RMND1: variants seen among roughly 807,000 people sequenced by gnomAD.
RMND1 encodes required for meiotic nuclear division protein 1 homolog.
In RMND1, 41 loss-of-function variants were observed where a neutral mutation model predicts 54.0. The ratio of observed to expected loss-of-function variants is 0.76; its 90% CI spans 0.59 to 0.98. The LOEUF (loss-of-function observed/expected upper bound fraction) is 0.98. Among genes scored for constraint, RMND1 ranks in the 50% least tolerant of loss-of-function variants. The pLI, the probability that RMND1 is intolerant of heterozygous loss-of-function variation, is 0.00. For missense variants in RMND1, 457 were observed against 532.0 expected (o/e 0.86, Z 1.39); for synonymous variants, 183 against 181.7 (o/e 1.01, Z -0.06).
chr6:151,416,735 C>T (rs1354740662), intron 10 of RMND1: 1 of 152,148 alleles, frequency 6.6e-6, no homozygotes, highest in African/African-American at 2.4e-5. Flanking sequence ...TTGCTTCTGC[C>T]CTTCTAAATG....
intron 2 of RMND1, 70 bp downstream of exon 2, chr6:151,445,238 G>A: frequency 2.7e-6 from 4 of 1,501,534 alleles, no homozygotes; most frequent in Non-Finnish European, 3.6e-6. Context: ...TAAGGCTGGG[G>A]TGCAACGCAC....
intron 2 of RMND1, among the ~76,000 whole-genome samples, chr6:151,444,066 C>T (rs563888444): frequency 2.6e-5 from 4 of 152,178 alleles, no homozygotes; most frequent in Admixed American, 6.5e-5. Context: ...AAAATAGATA[C>T]GGTATTTAGG....
chr6:151,451,009 T>C (rs1168006971), intron 1 of RMND1, among the ~76,000 whole-genome samples: 4 of 152,128 alleles, frequency 2.6e-5, no homozygotes, highest in Middle Eastern at 3.2e-3. Flanking sequence ...GGCAGCGTGC[T>C]GGTTAAGAGT....
intron 3 of RMND1, 64 bp from the exon 4 acceptor site, chr6:151,433,294 T>A: frequency 1.0e-6 from 1 of 993,742 alleles, no homozygotes; most frequent in Non-Finnish European, 1.6e-6. Context: ...AAGAGTCACC[T>A]ATAAACACTG....
intron 10 of RMND1, among the ~76,000 whole-genome samples, chr6:151,415,753 A>T (rs1779984836): frequency 6.7e-6 from 1 of 149,220 alleles, no homozygotes; most frequent in African/African-American, 2.5e-5. Flanking sequence ...AGATTGAGCC[A>T]CTGCACTCCA....
intron 8 of RMND1, among the ~76,000 whole-genome samples, chr6:151,422,139 A>T (rs762617093): frequency 6.6e-6 from 1 of 152,206 alleles, no homozygotes; most frequent in Admixed American, 6.5e-5. Flanking sequence ...TCGGCCCTCT[A>T]TAAGTTCTGC....
At position 151,423,609 on chromosome 6, in the gene RMND1, C is replaced by T; in HGVS notation, c.853G>A (p.Gly285Arg). 6.2e-7 allele frequency: 1 copy of T among 1,613,656 alleles called. No homozygotes were observed. The highest frequency in any genetic ancestry group is 8.5e-7 in the Non-Finnish European group (1 of 1,179,674). The change falls in exon 7 of 12, where the codon GGG (glycine) becomes AGG (arginine). Residue 285 changes from glycine (G) to arginine (R), a missense_variant. Coordinates refer to ENST00000444024, the MANE Select transcript of RMND1 (RefSeq NM_017909.4). ...AGCTCTGAATTTAACTTGATTTCCCCCCTGTGAAGTTTTGACTGTCCCCTG... is the reference window on the plus strand; with the variant it reads ...AGCTCTGAATTTAACTTGATTTCCCTCCTGTGAAGTTTTGACTGTCCCCTG... ...KIEGQSKLHR[G>R]EIKLNSELDL...
intron 3 of RMND1, among the ~76,000 whole-genome samples, chr6:151,435,684 T>C (rs1299475555): frequency 6.6e-6 from 1 of 151,126 alleles, no homozygotes. Flanking sequence ...CCTCCCAAAG[T>C]GCTGCAATTA....
chr6:151,406,649 C>A (rs1025590294), intron 10 of RMND1, among the ~76,000 whole-genome samples: 2 of 152,114 alleles, frequency 1.3e-5, no homozygotes, highest in East Asian at 3.9e-4. Context: ...CGTGCCAGGC[C>A]TGGATGTGAT....
chr6:151,442,843 C>T (rs1283413126), intron 2 of RMND1, among the ~76,000 whole-genome samples: 2 of 152,052 alleles, frequency 1.3e-5, no homozygotes, highest in Non-Finnish European at 2.9e-5. Context: ...TCCACTATTG[C>T]TTTTAGGAAT....
intron 1 of RMND1, among the ~76,000 whole-genome samples, chr6:151,451,154 C>T (rs979067835): frequency 6.7e-6 from 1 of 149,632 alleles, no homozygotes; most frequent in African/African-American, 2.5e-5. Context: ...TGTCCTATGA[C>T]CCTGCCAAAT....
chr6:151,406,680 A>G (rs1418459170), intron 10 of RMND1, among the ~76,000 whole-genome samples: 2 of 152,054 alleles, frequency 1.3e-5, no homozygotes, highest in South Asian at 2.1e-4. Context: ...TACCTACCTA[A>G]TATCTTTATA....
chr6:151,434,424 C>G (rs55904502), intron 3 of RMND1, among the ~76,000 whole-genome samples: 1,898 of 130,184 alleles, frequency 0.015, 28 homozygotes, highest in African/African-American at 0.057. Flanking sequence ...TTTTTTTTTT[C>G]TAAATTGTTA....
intron 8 of RMND1, 102 bp from the exon 9 acceptor site, chr6:151,421,423 T>C (rs951244895): frequency 1.5e-4 from 101 of 687,588 alleles, no homozygotes; most frequent in Admixed American, 2.8e-4. Flanking sequence ...ATTTGGATCC[T>C]ATGTAAATAT....
chr6:151,417,192 A>G, intron 10 of RMND1, 87 bp downstream of exon 10: 1 of 1,387,876 alleles, frequency 7.2e-7, no homozygotes, highest in Non-Finnish European at 9.8e-7. Flanking sequence ...GAAGTCAAAC[A>G]AGATATTTCT....
intron 3 of RMND1, among the ~76,000 whole-genome samples, chr6:151,433,946 C>G (rs899362436): frequency 5.1e-5 from 6 of 118,080 alleles, no homozygotes; most frequent in Admixed American, 8.5e-5. Flanking sequence ...GGGACCCCCC[C>G]CCGCCCCACC....
At position 151,409,796 on chromosome 6, in the gene RMND1, A is replaced by G. The variant is rs564163631; in HGVS notation, c.1201-3960T>C. On this transcript the variant is annotated intron_variant, in intron 10 of 11. Coordinates refer to ENST00000444024, the MANE Select transcript of RMND1 (RefSeq NM_017909.4). Reference sequence around the variant, plus strand: ...AGAAGGTGGGATTAGAAGTCACGACAACAAACAAGTGTTCACGGAGAAGGT... The same window carrying G: ...AGAAGGTGGGATTAGAAGTCACGACGACAAACAAGTGTTCACGGAGAAGGT... 1.2e-4 allele frequency among the ~76,000 whole-genome samples: 19 copies of G among 152,288 alleles called. No homozygotes were observed. The East Asian group carries it at 2.7e-3, about 22-fold the overall frequency.
Position 151,404,966 on chromosome 6 carries a change from T to A in RMND1, c.*269A>T, listed in dbSNP as rs1400454751. 6 of 355,518 alleles carry A rather than the reference T, an allele frequency of 1.7e-5. No homozygotes were observed. The highest frequency in any genetic ancestry group is 3.1e-5 in the Non-Finnish European group (6 of 195,940). The allele number at this position is 355,518 out of a possible 1,614,324, so 22.0% of individuals were successfully genotyped here. On this transcript the variant is annotated 3_prime_UTR_variant, in exon 12 of 12. Coordinates refer to ENST00000444024, the MANE Select transcript of RMND1 (RefSeq NM_017909.4). ...TCACTGCAACCTCCGCCTCCCAAGT[T>A]CAAGAGATTCTCCTGCCTCAGCCTC...
At chr6:151,444,781 C>T (rs1349701337) in intron 2 of RMND1, among the ~76,000 whole-genome samples, 1 of 151,968 alleles carries the variant, frequency 6.6e-6, no homozygotes, top group African/African-American at 2.4e-5. Flanking sequence ...TCCCAGAAAC[C>T]CCTTAAGGAT....
Sources: allele counts gnomAD v4.1 joint callset (sites outside exome capture counted in the v4.1 genomes callset), GRCh38; gene constraint gnomAD v4.1.1; transcripts MANE v1.5; gene names NCBI Gene and HGNC (gene_info 2026-07-23, HGNC 2026-07-21).